The following MACROD2 variants were observed in gnomAD, a reference collection of about 807,000 sequenced individuals.
MACROD2 encodes the protein ADP-ribose glycohydrolase MACROD2.
Under a neutral mutation model 70.4 loss-of-function variants are expected in MACROD2, and 36 were observed. The ratio of observed to expected loss-of-function variants is 0.51; its 90% CI spans 0.39 to 0.68. The LOEUF (loss-of-function observed/expected upper bound fraction) is 0.68. Among genes scored for constraint, MACROD2 ranks in the 30% least tolerant of loss-of-function variants. The probability of loss-of-function intolerance (pLI) is 0.00; values close to 1 mark genes in which losing one functional copy is unlikely to be tolerated. For synonymous variants in MACROD2, 172 were observed against 178.8 expected, an observed-to-expected ratio of 0.96 and a Z score of 0.30; for missense variants, 496 against 538.4, an observed-to-expected ratio of 0.92 and a Z score of 0.78.
chr20:14,211,714 C>T (rs903777799), intron 3 of MACROD2, among the ~76,000 whole-genome samples: 3 of 152,178 alleles, frequency 2.0e-5, no homozygotes, highest in Non-Finnish European at 4.4e-5. Flanking sequence ...TCACCTAGTT[C>T]TCTTCATGAG....
At chr20:15,442,356 A>G (rs2046507337) in intron 7 of MACROD2, among the ~76,000 whole-genome samples, 1 of 152,200 alleles carries the variant, frequency 6.6e-6, no homozygotes, top group Non-Finnish European at 1.5e-5. Flanking sequence ...GGCTTATTGA[A>G]TATCATGTTT....
Position 14,853,173 on chromosome 20 carries a change from C to CTGTATGTGTG in MACROD2, c.418+168217_418+168218insATGTGTGTGT, listed in dbSNP as rs35279137. Among the ~76,000 whole-genome samples, 358 of 149,330 alleles carry CTGTATGTGTG rather than the reference C, an allele frequency of 2.4e-3. 1 individual carries two copies. The highest frequency in any genetic ancestry group is 0.013 in the South Asian group (63 of 4,678). On this transcript the variant is annotated intron_variant, in intron 5 of 17. Transcript: ENST00000684519. ...GTGTGAACAGTGTGTGTGTGTGTGT[C>CTGTATGTGTG]TGTGTGTGTGTGTGTGTGTGTGTGT...
At chr20:14,253,647 A>G (rs2082029713) in intron 3 of MACROD2, among the ~76,000 whole-genome samples, 1 of 152,124 alleles carries the variant, frequency 6.6e-6, no homozygotes, top group Non-Finnish European at 1.5e-5. Flanking sequence ...ATTGAAATCA[A>G]GTACAATGCT....
chr20:15,193,109 T>C (rs1054079785), intron 5 of MACROD2, among the ~76,000 whole-genome samples: 1 of 152,216 alleles, frequency 6.6e-6, no homozygotes, highest in African/African-American at 2.4e-5. Flanking sequence ...TAGGTCTGCA[T>C]GTTTGTGTAG....
intron 5 of MACROD2, chr20:14,758,181 T>C (rs920181564): frequency 2.9e-5 from 8 of 277,756 alleles, no homozygotes; most frequent in Admixed American, 1.4e-4. Context: ...GTAATTTCCA[T>C]TTTCTAGTGT....
chr20:14,070,976 C>A lies in MACROD2; in HGVS notation c.164-14645C>A, dbSNP rs187874853. Among the ~76,000 whole-genome samples the A allele has an allele frequency of 3.3e-5, 5 of 151,942 alleles. No homozygotes were observed. The East Asian group carries it at 9.7e-4, about 29-fold the overall frequency. ...CCTCCTACAGTTAGCTTTTGCTGGGCAAAAAAACCCTTCCAAAACATAGTA... is the reference window on the plus strand; with the variant it reads ...CCTCCTACAGTTAGCTTTTGCTGGGAAAAAAAACCCTTCCAAAACATAGTA... On this transcript the variant is annotated intron_variant, in intron 2 of 17. Coordinates refer to ENST00000684519, the MANE Select transcript of MACROD2 (RefSeq NM_001351661.2).
intron 15 of MACROD2, among the ~76,000 whole-genome samples, chr20:16,040,441 G>A (rs984680762): frequency 1.3e-5 from 2 of 151,872 alleles, no homozygotes; most frequent in Non-Finnish European, 1.5e-5. Context: ...AGCACTTTAT[G>A]TATGTATTTG....
intron 17 of MACROD2, among the ~76,000 whole-genome samples, chr20:16,048,387 A>C (rs1323533643): frequency 6.6e-6 from 1 of 152,210 alleles, no homozygotes; most frequent in African/African-American, 2.4e-5. Flanking sequence ...AATTAACGAC[A>C]ATAGAAAAAA....
intron 5 of MACROD2, among the ~76,000 whole-genome samples, chr20:14,840,186 T>C (rs2073072695): frequency 6.6e-6 from 1 of 151,968 alleles, no homozygotes; most frequent in African/African-American, 2.4e-5. Flanking sequence ...TACAGGTGCC[T>C]GCCACCATGG....
chr20:15,544,600 A>C (rs1205168209), intron 8 of MACROD2, among the ~76,000 whole-genome samples: 1 of 152,214 alleles, frequency 6.6e-6, no homozygotes, highest in Non-Finnish European at 1.5e-5. Flanking sequence ...AACTACATCC[A>C]TACAGTGCTG....
At chr20:15,707,300 A>G (rs2050549907) in intron 8 of MACROD2, among the ~76,000 whole-genome samples, 1 of 152,196 alleles carries the variant, frequency 6.6e-6, no homozygotes, top group South Asian at 2.1e-4. Context: ...ATATGTAACT[A>G]AAGTCCTGAT....
intron 3 of MACROD2, among the ~76,000 whole-genome samples, chr20:14,393,021 AAGTAAAACCAGGT>A: frequency 6.6e-6 from 1 of 152,188 alleles, no homozygotes; most frequent in Non-Finnish European, 1.5e-5. Context: ...ACCATATATT[AAGTAAAACCAGGT>A]TGAGATCTTA....
intron 5 of MACROD2, among the ~76,000 whole-genome samples, chr20:14,978,263 T>G (rs576945568): frequency 1.7e-3 from 257 of 152,296 alleles, no homozygotes; most frequent in African/African-American, 5.9e-3. Flanking sequence ...ACCATGTATA[T>G]GTATCTATTC....
intron 15 of MACROD2, among the ~76,000 whole-genome samples, chr20:16,002,976 C>T (rs2066731076): frequency 6.6e-6 from 1 of 151,992 alleles, no homozygotes; most frequent in Admixed American, 6.6e-5. Flanking sequence ...GTTGCACTTT[C>T]AATGATGTTT....
At chr20:14,998,682 G>A (rs150714714) in intron 5 of MACROD2, among the ~76,000 whole-genome samples, 1 of 152,112 alleles carries the variant, frequency 6.6e-6, no homozygotes, top group African/African-American at 2.4e-5. Flanking sequence ...TTAAAGAAAA[G>A]GTAGAGAGTA....
chr20:15,098,175 A>G (rs2075847734), intron 5 of MACROD2, among the ~76,000 whole-genome samples: 1 of 152,120 alleles, frequency 6.6e-6, no homozygotes, highest in Middle Eastern at 3.2e-3. Flanking sequence ...GAAGGGACCA[A>G]TATTAAATGC....
intron 5 of MACROD2, among the ~76,000 whole-genome samples, chr20:15,106,200 C>T (rs1412004824): frequency 6.6e-6 from 1 of 152,170 alleles, no homozygotes; most frequent in Admixed American, 6.5e-5. Context: ...ATGCCACTGT[C>T]TTGCCAAACA....
chr20:15,868,040 C>T lies in MACROD2; in HGVS notation c.727+5214C>T, dbSNP rs375008390. Reference sequence around the variant, plus strand: ...ACAGTGCACAGTACAGCACCCTCCACAACCCTCCAGCAGATAATTATTCAG... The same window carrying T: ...ACAGTGCACAGTACAGCACCCTCCATAACCCTCCAGCAGATAATTATTCAG... On this transcript the variant is annotated intron_variant, in intron 9 of 17. Transcript: ENST00000684519. Among the ~76,000 whole-genome samples the T allele has an allele frequency of 7.9e-5, 12 of 152,312 alleles. No homozygotes were observed. In the South Asian group the frequency reaches 2.5e-3, roughly 32 times the overall value.
intron 5 of MACROD2, among the ~76,000 whole-genome samples, chr20:14,847,664 G>A (rs1012084781): frequency 1.3e-5 from 2 of 151,864 alleles, no homozygotes; most frequent in African/African-American, 2.4e-5. Flanking sequence ...TTGTTCATTA[G>A]TTTTATCAAT....
Sources: gnomAD v4.1 joint callset for allele counts (sites outside exome capture counted in the v4.1 genomes callset) on GRCh38, gnomAD v4.1.1 for gene constraint, MANE v1.5 for transcripts, NCBI Gene and HGNC (gene_info 2026-07-23, HGNC 2026-07-21) for gene names.